LIN7C: variants seen among roughly 807,000 people sequenced by gnomAD.
The protein encoded by LIN7C is protein lin-7 homolog C.
LIN7C carries 17 observed loss-of-function variants against 24.7 expected under a neutral mutation model. The ratio of observed to expected loss-of-function variants is 0.69; its 90% confidence interval spans 0.47 to 1.03. The LOEUF is 1.03. LIN7C is among the 50% of genes least tolerant of loss of function. The probability of loss-of-function intolerance (pLI) is 0.00; values close to 1 mark genes in which losing one functional copy is unlikely to be tolerated. For missense variants in LIN7C, 204 were observed against 239.0 expected, an observed-to-expected ratio of 0.85 and a Z score of 0.97; for synonymous variants, 90 against 83.4, an observed-to-expected ratio of 1.08 and a Z score of -0.43.
In LIN7C at chr11:27,495,979, A is replaced by C. The variant is rs374646168; in HGVS notation, c.*2670T>G. On this transcript the variant is annotated 3_prime_UTR_variant, in exon 5 of 5. Transcript: ENST00000278193. ...AAGATCCTGTCTCTTTTAAAACAAA[A>C]AACAAACAAACCAAAAAAAAAACAA... is the stretch of plus-strand genomic sequence containing the variant. 1 of 141,962 alleles carries C rather than the reference A, an allele frequency of 7.0e-6. No homozygotes were observed. The highest frequency in any genetic ancestry group is 1.6e-5 in the Non-Finnish European group (1 of 63,314). 8.8% of individuals were successfully genotyped at this position (141,962 alleles called of 1,614,324 possible).
rs1027585501 is a variant in LIN7C, at chr11:27,496,654, C to T, written c.*1995G>A. On this transcript the variant is annotated 3_prime_UTR_variant, in exon 5 of 5. Transcript: ENST00000278193. ...ACACAAAGAACAGATTGTGGATTAC[C>T]GTAGGGAAAAAAATAGCTTACTCAA... is the stretch of plus-strand genomic sequence containing the variant. The T allele has an allele frequency of 9.2e-5, 14 of 151,902 alleles. No individual in the cohort carries two copies. The highest frequency in any genetic ancestry group is 3.4e-4 in the African/African-American group (14 of 41,348). 9.4% of individuals were successfully genotyped at this position (151,902 alleles called of 1,614,324 possible). A position where few individuals can be genotyped will look rare whatever the true frequency, so the allele number is the denominator to read the frequency against.
chr11:27,495,917 T>C lies in LIN7C; in HGVS notation c.*2732A>G, dbSNP rs1865163549. The stretch of plus-strand genomic sequence containing the variant: ...AGGAGTTTCAGGCTGCAGTGAGCTA[T>C]GATCACACCACTGTGTTCCAGCCTG... On this transcript the variant is annotated 3_prime_UTR_variant, in exon 5 of 5. Transcript: ENST00000278193. 1.3e-5 allele frequency: 2 copies of C among 151,020 alleles called. No homozygotes were observed. The highest frequency in any genetic ancestry group is 6.6e-5 in the Admixed American group (1 of 15,070). The allele number at this position is 151,020 out of a possible 1,614,324, so 9.4% of individuals were successfully genotyped here.
intron 1 of LIN7C, among the ~76,000 whole-genome samples, chr11:27,503,068 T>C (rs569891525): frequency 1.4e-4 from 22 of 152,236 alleles, no homozygotes; most frequent in African/African-American, 5.1e-4. Context: ...TGAGCTGAGA[T>C]TGTGCCACTG....
rs1202667353 is a variant in LIN7C at position 27,498,749 on chromosome 11, C to T, written c.494G>A (p.Gly165Glu). ...KAVELLKAAQ[G>E]KVKLVVRYTP... ...GTATCGTACCACTAATTTAACCTTT[C>T]CTTGTGCGGCTTTCAGCAGTTCTAC... The change falls in exon 5 of 5, where the codon GGA (glycine) becomes GAA (glutamate). Residue 165 changes from glycine (G) to glutamate (E), a missense_variant. By Grantham distance (98) the Gly-to-Glu change is moderately conservative. Transcript: ENST00000278193. 2 of 1,613,986 alleles carry T rather than the reference C, an allele frequency of 1.2e-6. No homozygotes were observed. Among genetic ancestry groups the T allele is most frequent in the East Asian group, 2.2e-5 (1 of 44,858 alleles).
intron 3 of LIN7C, 67 bp downstream of exon 3, chr11:27,501,428 A>T: frequency 1.0e-6 from 1 of 977,726 alleles, no homozygotes; most frequent in Non-Finnish European, 1.6e-6. Flanking sequence ...TTATGAATTT[A>T]ATAACTCCAT....
Position 27,495,197 on chromosome 11 carries a change from G to A in LIN7C, c.*3452C>T, listed in dbSNP as rs1056658159. On this transcript the variant is annotated 3_prime_UTR_variant, in exon 5 of 5. Coordinates refer to ENST00000278193, the MANE Select transcript of LIN7C (RefSeq NM_018362.4). The stretch of plus-strand genomic sequence containing the variant: ...AAAAACATATTTGAGGCTGGGCATG[G>A]TGGCTCACGCCAGTAATTCCAGCAC... 4.6e-5 allele frequency: 7 copies of A among 152,250 alleles called. No homozygotes were observed. The highest frequency in any genetic ancestry group is 1.7e-4 in the African/African-American group (7 of 41,452). 9.4% of individuals were successfully genotyped at this position (152,250 alleles called of 1,614,324 possible). A position where few individuals can be genotyped will look rare whatever the true frequency, so the allele number is the denominator to read the frequency against.
chr11:27,496,061 A>G lies in LIN7C; in HGVS notation c.*2588T>C, dbSNP rs1447351489. 6.6e-6 allele frequency: 1 copy of G among 150,850 alleles called. No homozygotes were observed. The highest frequency in any genetic ancestry group is 2.4e-5 in the African/African-American group (1 of 41,026). The allele number at this position is 150,850 out of a possible 1,614,324, so 9.3% of individuals were successfully genotyped here. A position where few individuals can be genotyped will look rare whatever the true frequency, so the allele number is the denominator to read the frequency against. On this transcript the variant is annotated 3_prime_UTR_variant, in exon 5 of 5. Coordinates refer to ENST00000278193, the MANE Select transcript of LIN7C (RefSeq NM_018362.4). The stretch of plus-strand genomic sequence containing the variant: ...AAGTAGCTGCAAATTGAACTGTTCT[A>G]TTTTGATACTTCCTAAGAGTGTCCA...
In LIN7C at chr11:27,501,353, T is replaced by C. The variant is rs1404818962; in HGVS notation, c.228+142A>G. On this transcript the variant is annotated intron_variant, in intron 3 of 4. Transcript: ENST00000278193. ...AAAGGCAATAGAAACAAATGTCTTA[T>C]TTCTTAGTACTTGAGAAATTTGGTG... is the stretch of plus-strand genomic sequence containing the variant. 1.5e-5 allele frequency: 9 copies of C among 615,580 alleles called. No homozygotes were observed. In the Admixed American group the frequency reaches 3.1e-4, roughly 21 times the overall value. The allele number at this position is 615,580 out of a possible 1,614,324, so 38.1% of individuals were successfully genotyped here.
At chr11:27,502,031 C>T in intron 1 of LIN7C, 111 bp from the exon 2 acceptor site, 3 of 651,226 alleles carry the variant, frequency 4.6e-6, no homozygotes, top group Non-Finnish European at 8.1e-6. Flanking sequence ...TACAGACAAT[C>T]GAGGGGAAAA....
rs964053312 is a variant in LIN7C, at chr11:27,501,436, C to T, written c.228+59G>A. ...AAGTTTATTATGAATTTAATAACTCCATATTTTAAACTTCTAATTTATGAA... is the reference window on the plus strand; with the variant it reads ...AAGTTTATTATGAATTTAATAACTCTATATTTTAAACTTCTAATTTATGAA... On this transcript the variant is annotated intron_variant, in intron 3 of 4. Transcript: ENST00000278193. 3.9e-6 allele frequency: 4 copies of T among 1,023,452 alleles called. No homozygotes were observed. The East Asian group carries it at 7.3e-5, about 19-fold the overall frequency. The allele number at this position is 1,023,452 out of a possible 1,614,324, so 63.4% of individuals were successfully genotyped here. A position where few individuals can be genotyped will look rare whatever the true frequency, so the allele number is the denominator to read the frequency against.
At position 27,498,705 on chromosome 11, in the gene LIN7C, C is replaced by G; in HGVS notation, c.538G>C (p.Glu180Gln). The change falls in exon 5 of 5, where the codon GAA becomes CAA. Residue 180 changes from glutamate to glutamine, a missense_variant. By Grantham distance (29) the Glu-to-Gln change is conservative. Around this residue, in one of 3 missense-constraint regions of LIN7C, gnomAD observed 74 missense variants for 99.6 expected, o/e 0.74. Transcript: ENST00000278193. ...ATTTTTTCAAAGCGCGACTCCATTT[C>G]TTCTAAGACTTTGGGTGTGTATCGT... ...VVRYTPKVLE[E>Q]MESRFEKMRS... The G allele has an allele frequency of 6.2e-7, 1 of 1,613,974 alleles. No individual in the cohort carries two copies. Among genetic ancestry groups the G allele is most frequent in the Middle Eastern group, 1.7e-4 (1 of 6,060 alleles).
intron 3 of LIN7C, among the ~76,000 whole-genome samples, chr11:27,501,214 C>T (rs1405351577): frequency 6.6e-6 from 1 of 151,926 alleles, no homozygotes; most frequent in Non-Finnish European, 1.5e-5. Flanking sequence ...ATAACATATA[C>T]AACACAATTA....
chr11:27,501,666 TC>T, intron 2 of LIN7C, 100 bp from the exon 3 acceptor site: 1 of 467,028 alleles, frequency 2.1e-6, no homozygotes. Context: ...AATGGTTTTA[TC>T]AGAAATTCCA....
In LIN7C at chr11:27,494,692, AAGT is replaced by A. The variant is rs1313871059; in HGVS notation, c.*3954_*3956del. 1 of 152,214 alleles carries A rather than the reference AAGT, an allele frequency of 6.6e-6. No individual in the cohort carries two copies. The highest frequency in any genetic ancestry group is 1.9e-4 in the East Asian group (1 of 5,196). 9.4% of individuals were successfully genotyped at this position (152,214 alleles called of 1,614,324 possible). A position where few individuals can be genotyped will look rare whatever the true frequency, so the allele number is the denominator to read the frequency against. ...TTCTGGGTATTACCACAAATTTTAA[AAGT>A]AGAAGCATAGCATTTGCCAGTTATT... On this transcript the variant is annotated 3_prime_UTR_variant, in exon 5 of 5. Transcript: ENST00000278193.
chr11:27,505,381 T>C (rs1039605895), intron 1 of LIN7C, among the ~76,000 whole-genome samples: 6 of 152,208 alleles, frequency 3.9e-5, no homozygotes, highest in African/African-American at 1.4e-4. Context: ...GAATCTTAAC[T>C]AGCTTTCAAA....
In LIN7C at chr11:27,499,368, AAC is replaced by A. The variant is rs868000567; in HGVS notation, c.427_428del (p.Val143Ter). On this transcript the variant is annotated frameshift_variant, in exon 4 of 5. Coordinates refer to ENST00000278193, the MANE Select transcript of LIN7C (RefSeq NM_018362.4). LOFTEE classifies it high-confidence loss of function. ...TAAAATTCATCCTTACCACTCCATT[AAC>A]AGAGAGGAGTTGATCTCCACGTTTG... The part of the protein sequence containing the change: ...GLKRGDQLLS[V>X]NGVSVEGEHH... The A allele has an allele frequency of 3.1e-6, 5 of 1,612,938 alleles. No individual in the cohort carries two copies. Among genetic ancestry groups the A allele is most frequent in the African/African-American group, 1.3e-5 (1 of 74,896 alleles).
intron 1 of LIN7C, among the ~76,000 whole-genome samples, chr11:27,504,846 TTC>T (rs1443460303): frequency 3.3e-5 from 5 of 152,216 alleles, no homozygotes; most frequent in African/African-American, 1.2e-4. Context: ...CACGATTTTT[TTC>T]TGAGTATTTT....
At chr11:27,506,441 G>A (rs1279886059) in intron 1 of LIN7C, among the ~76,000 whole-genome samples, 1 of 152,222 alleles carries the variant, frequency 6.6e-6, no homozygotes, top group Non-Finnish European at 1.5e-5. Flanking sequence ...AAGGGAGCGC[G>A]TGTGCGGCGT....
At chr11:27,505,584 G>A (rs574683850) in intron 1 of LIN7C, among the ~76,000 whole-genome samples, 1 of 152,276 alleles carries the variant, frequency 6.6e-6, no homozygotes, top group Admixed American at 6.5e-5. Context: ...CTTCCAAATG[G>A]TGAACACGGT....
Sources: allele counts gnomAD v4.1 joint callset (sites outside exome capture counted in the v4.1 genomes callset), GRCh38; gene constraint gnomAD v4.1.1; regional missense constraint gnomAD v4.1.1; transcripts MANE v1.5; gene names NCBI Gene and HGNC (gene_info 2026-07-23, HGNC 2026-07-21).